CASK: variants seen among roughly 807,000 people sequenced by gnomAD.
CASK encodes calcium/calmodulin dependent serine protein kinase.
A neutral mutation model predicts 82.9 loss-of-function variants in CASK; 4 were observed. The ratio of observed to expected loss-of-function variants is 0.05; its 90% CI spans 0.02 to 0.11. CASK has a LOEUF of 0.11. Among genes scored for constraint, CASK ranks in the 10% least tolerant of loss-of-function variants. CASK has a pLI of 1.00. For missense variants in CASK, 358 were observed against 720.9 expected, an observed-to-expected ratio of 0.50 and a Z score of 5.76; for synonymous variants, 259 against 253.5, an observed-to-expected ratio of 1.02 and a Z score of -0.20.
chrX:41,678,314 T>TC (rs1283750686), intron 5 of CASK, among the ~76,000 whole-genome samples: 2 of 111,313 alleles, frequency 1.8e-5, no homozygotes, highest in Non-Finnish European at 3.8e-5. Flanking sequence ...CTTTTTTTTT[T>TC]CCAATGTTCA....
At chrX:41,608,793 T>A (rs1040985978) in intron 12 of CASK, among the ~76,000 whole-genome samples, 1 of 112,250 alleles carries the variant, frequency 8.9e-6, no homozygotes, top group African/African-American at 3.2e-5. Flanking sequence ...AAAACAATGT[T>A]AAATATGAAA....
At chrX:41,844,475 G>T (rs1057491070) in intron 2 of CASK, among the ~76,000 whole-genome samples, 1 of 111,211 alleles carries the variant, frequency 9.0e-6, no homozygotes, top group Non-Finnish European at 1.9e-5. Flanking sequence ...ATTTAATCTA[G>T]GCTATCTAAT....
At chrX:41,841,331 A>G (rs1014616391) in intron 2 of CASK, among the ~76,000 whole-genome samples, 2 of 110,948 alleles carry the variant, frequency 1.8e-5, no homozygotes, top group African/African-American at 6.6e-5. Flanking sequence ...GTGTTTATTG[A>G]CCATTTGTAA....
chrX:41,684,709 G>C (rs2067413620), intron 5 of CASK, among the ~76,000 whole-genome samples: 1 of 110,949 alleles, frequency 9.0e-6, no homozygotes, highest in African/African-American at 3.3e-5. Context: ...TGTTGGCCAG[G>C]CTGGTCTCGA....
At chrX:41,754,878 GT>G (rs869108372) in intron 3 of CASK, among the ~76,000 whole-genome samples, 77 of 94,196 alleles carry the variant, frequency 8.2e-4, no homozygotes, top group Middle Eastern at 5.1e-3. Flanking sequence ...TTTCTGACAA[GT>G]TTTTTTTTTT....
At chrX:41,566,769 C>T (rs761535955) in intron 16 of CASK, among the ~76,000 whole-genome samples, 2 of 98,970 alleles carry the variant, frequency 2.0e-5, no homozygotes, top group East Asian at 2.9e-4. Context: ...AAAAAGAGCC[C>T]GCATTGCCAA....
In CASK at chrX:41,581,388, A is replaced by G. The variant is rs756911652; in HGVS notation, c.1315-2860T>C. Among the ~76,000 whole-genome samples, 281 of 110,661 alleles carry G rather than the reference A, an allele frequency of 2.5e-3. 1 individual carries two copies. The highest frequency in any genetic ancestry group is 8.9e-3 in the African/African-American group (270 of 30,492). On this transcript the variant is annotated intron_variant, in intron 14 of 26. Transcript: ENST00000378163. ...GAGCAAGACCCCGTCTCTTAAAAAA[A>G]AAAAACACAGAATTTTAAAGTCGTT...
At chrX:41,775,787 A>G (rs1345954261) in intron 3 of CASK, among the ~76,000 whole-genome samples, 1 of 100,517 alleles carries the variant, frequency 9.9e-6, no homozygotes, top group Non-Finnish European at 2.1e-5. Context: ...TCGCAAGGAT[A>G]AAAAACCAAA....
chrX:41,817,407 G>A (rs996181945), intron 2 of CASK, among the ~76,000 whole-genome samples: 1 of 111,885 alleles, frequency 8.9e-6, no homozygotes, highest in Admixed American at 9.5e-5. Flanking sequence ...GAGGAATCCA[G>A]ATTGGAAAGG....
chrX:41,617,556 C>G (rs1048442430), intron 11 of CASK, among the ~76,000 whole-genome samples: 13 of 112,238 alleles, frequency 1.2e-4, no homozygotes, highest in Non-Finnish European at 2.1e-4. Context: ...CCATTAACAC[C>G]TGTTCTAGTT....
At chrX:41,889,033 G>A (rs1422007228) in intron 1 of CASK, among the ~76,000 whole-genome samples, 2 of 109,463 alleles carry the variant, frequency 1.8e-5, no homozygotes, top group Non-Finnish European at 3.8e-5. Context: ...GGATCAAACG[G>A]TAGATCTACT....
intron 1 of CASK, among the ~76,000 whole-genome samples, chrX:41,890,010 TTAAC>T (rs2072135040): frequency 9.0e-6 from 1 of 111,597 alleles, no homozygotes; most frequent in African/African-American, 3.3e-5. Flanking sequence ...CAATAGCTTA[TTAAC>T]TATTTAGGTT....
At chrX:41,620,476 A>G (rs1023274637) in intron 11 of CASK, among the ~76,000 whole-genome samples, 1 of 112,075 alleles carries the variant, frequency 8.9e-6, no homozygotes, top group African/African-American at 3.2e-5. Context: ...AATACATTGT[A>G]TTACTACACA....
In CASK at chrX:41,694,604, C is replaced by G. The variant is rs147476049; in HGVS notation, c.430-23074G>C. 2.2e-3 allele frequency among the ~76,000 whole-genome samples: 250 copies of G among 112,248 alleles called. 1 individual carries two copies. The highest frequency in any genetic ancestry group is 3.7e-3 in the Non-Finnish European group (197 of 53,209). ...GCTTTGGTCAGGTTACTTTCAAAAT[C>G]TTGGATTGCACATGCTGTTTCCCAT... On this transcript the variant is annotated intron_variant, in intron 5 of 26. Transcript: ENST00000378163.
chrX:41,625,286 C>T (rs1421432505), intron 10 of CASK, among the ~76,000 whole-genome samples: 3 of 104,432 alleles, frequency 2.9e-5, no homozygotes, highest in Non-Finnish European at 3.9e-5. Flanking sequence ...GCCGGGTTCA[C>T]GCCAGTCTCC....
At chrX:41,843,879 A>G (rs934593387) in intron 2 of CASK, among the ~76,000 whole-genome samples, 2 of 111,756 alleles carry the variant, frequency 1.8e-5, no homozygotes, top group Non-Finnish European at 3.8e-5. Context: ...TTTATGGTTG[A>G]AAAAATCATT....
At position 41,534,880 on chromosome X, in the gene CASK, C is replaced by G. The variant is rs762976379; in HGVS notation, c.2236+13G>C. The G allele has an allele frequency of 1.0e-5, 12 of 1,166,892 alleles. No individual in the cohort carries two copies. The highest frequency in any genetic ancestry group is 1.4e-5 in the Non-Finnish European group (12 of 854,663). On this transcript the variant is annotated intron_variant, in intron 23 of 26. Coordinates refer to ENST00000378163, the MANE Select transcript of CASK (RefSeq NM_001367721.1). ...AGTGAGAATAAGCAACTCACTTACA[C>G]AATCAAACTTACCTAATAAGACTAG...
At chrX:41,638,886 T>C (rs1280455127) in intron 8 of CASK, among the ~76,000 whole-genome samples, 1 of 110,871 alleles carries the variant, frequency 9.0e-6, no homozygotes, top group Non-Finnish European at 1.9e-5. Flanking sequence ...TGGGGTTACA[T>C]ATGCAGGTTT....
At chrX:41,662,283 T>G (rs2067046456) in intron 7 of CASK, among the ~76,000 whole-genome samples, 1 of 111,629 alleles carries the variant, frequency 9.0e-6, no homozygotes. Context: ...GGGAAATATA[T>G]TTTTGCCCTT....
Sources: gnomAD v4.1 joint callset for allele counts (sites outside exome capture counted in the v4.1 genomes callset) on GRCh38, gnomAD v4.1.1 for gene constraint, MANE v1.5 for transcripts, NCBI Gene and HGNC (gene_info 2026-07-23, HGNC 2026-07-21) for gene names.